The following MSRA variants were observed in gnomAD, a reference collection of about 807,000 sequenced individuals.
MSRA encodes methionine sulfoxide reductase A, also known as mitochondrial peptide methionine sulfoxide reductase.
A neutral mutation model predicts 31.3 loss-of-function variants in MSRA; 54 were observed. That is an observed-to-expected ratio of 1.73 (90% CI 1.39 to 2.17). MSRA has a LOEUF of 2.17. MSRA is among the 30% of genes most tolerant of loss of function. The pLI, the probability that MSRA is intolerant of heterozygous loss-of-function variation, is 0.00. For missense variants in MSRA, 507 were observed against 300.9 expected, an observed-to-expected ratio of 1.69 and a Z score of -5.07; for synonymous variants, 169 against 116.5, an observed-to-expected ratio of 1.45 and a Z score of -2.90.
intron 1 of MSRA, among the ~76,000 whole-genome samples, chr8:10,060,638 G>GTT (rs201224802): frequency 1.0e-3 from 145 of 143,152 alleles, no homozygotes; most frequent in African/African-American, 2.8e-3. Flanking sequence ...CTTACTTGAA[G>GTT]TTTTTTTTTT....
At chr8:10,427,910 A>G (rs1023273480) in intron 5 of MSRA, among the ~76,000 whole-genome samples, 5 of 152,188 alleles carry the variant, frequency 3.3e-5, no homozygotes, top group Non-Finnish European at 7.3e-5. Context: ...AGTGTAAGTT[A>G]CTGATTTAAA....
At chr8:10,160,810 G>A (rs1804573695) in intron 1 of MSRA, among the ~76,000 whole-genome samples, 1 of 152,166 alleles carries the variant, frequency 6.6e-6, no homozygotes, top group Non-Finnish European at 1.5e-5. Flanking sequence ...TTACAGGCAT[G>A]AGCCATCGTA....
chr8:10,136,228 G>T (rs1284175475), intron 1 of MSRA, among the ~76,000 whole-genome samples: 1 of 152,160 alleles, frequency 6.6e-6, no homozygotes, highest in Non-Finnish European at 1.5e-5. Flanking sequence ...AGGCACATTG[G>T]TGAAGGGAGC....
chr8:10,422,201 G>A (rs996424609), intron 5 of MSRA, among the ~76,000 whole-genome samples: 6 of 152,186 alleles, frequency 3.9e-5, no homozygotes, highest in African/African-American at 9.7e-5. Flanking sequence ...TACAAGGATC[G>A]CTTGAGCCCA....
chr8:10,198,902 C>G (rs1343250977), intron 1 of MSRA, among the ~76,000 whole-genome samples: 3 of 152,190 alleles, frequency 2.0e-5, no homozygotes, highest in Non-Finnish European at 2.9e-5. Flanking sequence ...TGTAGCGTTT[C>G]ATGTGCCATG....
chr8:10,210,333 T>A (rs941248700), intron 2 of MSRA, among the ~76,000 whole-genome samples: 2 of 152,192 alleles, frequency 1.3e-5, no homozygotes, highest in African/African-American at 4.8e-5. Context: ...GTTCTTGTTG[T>A]GATGTTCCCT....
rs1049840460 is a variant in MSRA, at chr8:10,134,665, C to T, written c.143-73168C>T. Among the ~76,000 whole-genome samples the T allele has an allele frequency of 6.6e-5, 10 of 152,194 alleles. No homozygotes were observed. The South Asian group carries it at 8.3e-4, about 13-fold the overall frequency. On this transcript the variant is annotated intron_variant, in intron 1 of 5. Transcript: ENST00000317173. The stretch of plus-strand genomic sequence containing the variant: ...TGACTGCACGCCTCGTATCAGAACT[C>T]GGAAGCCTGGTGGTGACAGGAAACA...
rs1798560619 is a variant in MSRA, at chr8:10,263,012, A to G, written c.331+17789A>G. The stretch of plus-strand genomic sequence containing the variant: ...CAAGTTCTGTTACCTGACTGTGGCC[A>G]TCCACCCTCCCACATGGGTGCTGAT... On this transcript the variant is annotated intron_variant, in intron 3 of 5. Transcript: ENST00000317173. 2.0e-5 allele frequency among the ~76,000 whole-genome samples: 3 copies of G among 152,308 alleles called. No individual in the cohort carries two copies. In the South Asian group the frequency reaches 6.2e-4, roughly 32 times the overall value.
intron 3 of MSRA, among the ~76,000 whole-genome samples, chr8:10,259,341 C>G (rs186199914): frequency 1.3e-4 from 20 of 152,218 alleles, no homozygotes; most frequent in Admixed American, 1.0e-3. Flanking sequence ...CTGGAGTGTT[C>G]TGTAAATATC....
intron 1 of MSRA, among the ~76,000 whole-genome samples, chr8:10,169,795 T>C (rs147154459): frequency 2.6e-5 from 4 of 152,276 alleles, no homozygotes; most frequent in African/African-American, 4.8e-5. Flanking sequence ...TTTTTAATAA[T>C]TTTATTTTTT....
At chr8:10,208,241 T>C (rs1809176844) in intron 2 of MSRA, among the ~76,000 whole-genome samples, 1 of 152,108 alleles carries the variant, frequency 6.6e-6, no homozygotes, top group South Asian at 2.1e-4. Flanking sequence ...GATATATCAC[T>C]TTGTTAAAGG....
intron 5 of MSRA, among the ~76,000 whole-genome samples, chr8:10,403,923 A>G (rs1353998726): frequency 6.6e-6 from 1 of 152,214 alleles, no homozygotes; most frequent in Non-Finnish European, 1.5e-5. Context: ...AGGATTAAAG[A>G]AATACAGTAA....
intron 2 of MSRA, among the ~76,000 whole-genome samples, chr8:10,210,987 T>G (rs1809436861): frequency 6.6e-6 from 1 of 151,992 alleles, no homozygotes; most frequent in Admixed American, 6.6e-5. Flanking sequence ...CCGCCCACTT[T>G]AGCCTCCCCA....
intron 5 of MSRA, among the ~76,000 whole-genome samples, chr8:10,377,822 A>C (rs1246863171): frequency 6.6e-6 from 1 of 152,164 alleles, no homozygotes; most frequent in Non-Finnish European, 1.5e-5. Flanking sequence ...TGTGGAGGCA[A>C]GTGGGTCTCC....
In MSRA at chr8:10,113,292, C is replaced by CTTTTTTTTT. The variant is rs10665004; in HGVS notation, c.142+58648_142+58656dup. 1.1e-3 allele frequency among the ~76,000 whole-genome samples: 61 copies of CTTTTTTTTT among 57,552 alleles called. 4 individuals carry two copies. Among genetic ancestry groups the CTTTTTTTTT allele is most frequent in the African/African-American group, 3.7e-3 (47 of 12,722 alleles). 37.8% of individuals were successfully genotyped at this position (57,552 alleles called of 152,430 possible). ...CATGGCTTTGGTGAAGACAGGTCTTCTTTTTTTTTTTTTTTTTTTTTTGGA... is the reference window on the plus strand; with the variant it reads ...CATGGCTTTGGTGAAGACAGGTCTTCTTTTTTTTTTTTTTTTTTTTTTTTTTTTTTTGGA... On this transcript the variant is annotated intron_variant, in intron 1 of 5. Transcript: ENST00000317173.
intron 1 of MSRA, among the ~76,000 whole-genome samples, chr8:10,075,674 A>G (rs912880200): frequency 6.6e-6 from 1 of 152,246 alleles, no homozygotes; most frequent in Non-Finnish European, 1.5e-5. Context: ...ATGTTCTAGC[A>G]TCAAGAGATG....
intron 1 of MSRA, among the ~76,000 whole-genome samples, chr8:10,065,170 G>A (rs1451001020): frequency 1.3e-5 from 2 of 152,042 alleles, no homozygotes; most frequent in South Asian, 2.1e-4. Flanking sequence ...CTCACACCCC[G>A]AGATGTGTGC....
In MSRA at chr8:10,268,470, A is replaced by G. The variant is rs373841589; in HGVS notation, c.331+23247A>G. Among the ~76,000 whole-genome samples the G allele has an allele frequency of 2.6e-4, 39 of 152,308 alleles. No homozygotes were observed. In the East Asian group the frequency reaches 6.6e-3, roughly 26 times the overall value. On this transcript the variant is annotated intron_variant, in intron 3 of 5. Transcript: ENST00000317173. ...CTCCCGAGGTTAGGGTGGGGCATTC[A>G]TTACATATTTTCACAGCACCATCCT...
chr8:10,098,285 G>GT (rs1182365799), intron 1 of MSRA, among the ~76,000 whole-genome samples: 2 of 152,048 alleles, frequency 1.3e-5, no homozygotes, highest in Admixed American at 1.3e-4. Context: ...ATATTTTGAA[G>GT]TAAAATTATT....
Sources: allele counts gnomAD v4.1 joint callset (sites outside exome capture counted in the v4.1 genomes callset), GRCh38; gene constraint gnomAD v4.1.1; transcripts MANE v1.5; gene names NCBI Gene and HGNC (gene_info 2026-07-23, HGNC 2026-07-21).